The following ZCWPW2 variants were observed in gnomAD, a reference collection of about 807,000 sequenced individuals.
ZCWPW2 encodes the protein zinc finger CW-type and PWWP domain containing 2.
Under a neutral mutation model 46.6 loss-of-function variants are expected in ZCWPW2, and 45 were observed. The observed-to-expected ratio is 0.96, with a 90% CI of 0.76 to 1.24. The LOEUF (loss-of-function observed/expected upper bound fraction) is 1.24. Ranked by LOEUF, ZCWPW2 falls within the 50% of genes most tolerant of loss-of-function variation. The pLI, the probability that ZCWPW2 is intolerant of heterozygous loss-of-function variation, is 0.00. For synonymous variants in ZCWPW2, 152 were observed against 137.1 expected, an observed-to-expected ratio of 1.11 and a Z score of -0.76; for missense variants, 429 against 403.9, an observed-to-expected ratio of 1.06 and a Z score of -0.53.
intron 5 of ZCWPW2, among the ~76,000 whole-genome samples, chr3:28,487,228 C>T (rs1575195368): frequency 1.3e-5 from 2 of 151,928 alleles, no homozygotes; most frequent in South Asian, 4.2e-4. Context: ...TCTGGTATGC[C>T]TATTACATGT....
intron 4 of ZCWPW2, among the ~76,000 whole-genome samples, chr3:28,454,157 T>C (rs1224136521): frequency 1.3e-5 from 2 of 152,174 alleles, no homozygotes; most frequent in African/African-American, 2.4e-5. Flanking sequence ...TGTGTATATT[T>C]ATAATTGTAT....
chr3:28,349,865 A>G (rs1465026859), intron 1 of ZCWPW2, among the ~76,000 whole-genome samples: 2 of 152,142 alleles, frequency 1.3e-5, no homozygotes, highest in African/African-American at 2.4e-5. Context: ...TGTCAGCCCA[A>G]TAGGATGGAT....
intron 1 of ZCWPW2, among the ~76,000 whole-genome samples, chr3:28,375,812 C>T (rs2125705739): frequency 6.6e-6 from 1 of 151,680 alleles, no homozygotes; most frequent in South Asian, 2.1e-4. Flanking sequence ...TAACTTCTGG[C>T]AACCATTCTT....
In ZCWPW2 at chr3:28,515,574, C is replaced by A. The variant is rs534193603; in HGVS notation, c.737C>A (p.Ser246Tyr). 2 of 1,608,812 alleles carry A rather than the reference C, an allele frequency of 1.2e-6. No individual in the cohort carries two copies. The highest frequency in any genetic ancestry group is 1.7e-6 in the Non-Finnish European group (2 of 1,178,616). The part of the protein sequence containing the change: ...KRKRKAILKC[S>Y]FENVYSDDAL... ...TCTAGGAAAGCAATTTTAAAATGCT[C>A]TTTTGAAAATGTTTATTCTGATGAT... is the stretch of plus-strand genomic sequence containing the variant. Residue 246 changes from serine to tyrosine, a missense_variant, in exon 8 of 10, where the codon TCT (serine) becomes TAT (tyrosine). Transcript: ENST00000383768.
intron 6 of ZCWPW2, among the ~76,000 whole-genome samples, chr3:28,513,409 A>T (rs1700480026): frequency 6.6e-6 from 1 of 152,034 alleles, no homozygotes; most frequent in Admixed American, 6.6e-5. Context: ...TTTTAGGATT[A>T]TTGCTTTTTG....
At chr3:28,430,821 T>C (rs563074984) in intron 3 of ZCWPW2, among the ~76,000 whole-genome samples, 134 of 152,244 alleles carry the variant, frequency 8.8e-4, no homozygotes, top group Middle Eastern at 6.8e-3. Flanking sequence ...CACTTCTCTC[T>C]CCTGCTGCCA....
intron 1 of ZCWPW2, among the ~76,000 whole-genome samples, chr3:28,357,014 GA>G (rs1161663544): frequency 2.0e-5 from 3 of 151,636 alleles, no homozygotes; most frequent in African/African-American, 7.3e-5. Flanking sequence ...TGAAAAAAAA[GA>G]AAAAAATAAA....
At chr3:28,474,614 TGTGTGTGCGCGCGCGCGC>T in intron 4 of ZCWPW2, among the ~76,000 whole-genome samples, 1 of 149,438 alleles carries the variant, frequency 6.7e-6, no homozygotes, top group East Asian at 2.0e-4. Context: ...TGTGTGTGTG[TGTGTGTGCGCGCGCGCGC>T]GCGCGCACAT....
intron 4 of ZCWPW2, 32 bp from the exon 5 acceptor site, chr3:28,478,782 T>G (rs1484307892): frequency 1.6e-6 from 2 of 1,218,654 alleles, no homozygotes; most frequent in Admixed American, 2.9e-5. Flanking sequence ...TATTTAAAAA[T>G]GAATTTTTTT....
chr3:28,414,198 C>T (rs1222677924), intron 3 of ZCWPW2, among the ~76,000 whole-genome samples: 1 of 151,374 alleles, frequency 6.6e-6, no homozygotes, highest in East Asian at 1.9e-4. Context: ...TTTCTCTTTT[C>T]AATTTTTATA....
intron 8 of ZCWPW2, among the ~76,000 whole-genome samples, chr3:28,516,134 G>A: frequency 6.6e-6 from 1 of 151,872 alleles, no homozygotes; most frequent in East Asian, 1.9e-4. Context: ...CAGCTACTCT[G>A]GAGGCTGAGG....
At chr3:28,369,562 C>T (rs1342251820) in intron 1 of ZCWPW2, among the ~76,000 whole-genome samples, 2 of 152,172 alleles carry the variant, frequency 1.3e-5, no homozygotes, top group Non-Finnish European at 2.9e-5. Context: ...TGTCAGTCTG[C>T]CCCTACTGGG....
Position 28,476,693 on chromosome 3 carries a change from T to C in ZCWPW2, c.493-2121T>C, listed in dbSNP as rs141585317. Among the ~76,000 whole-genome samples, 247 of 152,246 alleles carry C rather than the reference T, an allele frequency of 1.6e-3. 3 individuals are homozygous for C. Among genetic ancestry groups the C allele is most frequent in the African/African-American group, 5.6e-3 (232 of 41,536 alleles). ...GCACTTTATTTCTATTATTATTACATTGTAATATATAATGAAATAGTTATA... is the reference window on the plus strand; with the variant it reads ...GCACTTTATTTCTATTATTATTACACTGTAATATATAATGAAATAGTTATA... On this transcript the variant is annotated intron_variant, in intron 4 of 9. Coordinates refer to ENST00000383768, the MANE Select transcript of ZCWPW2 (RefSeq NM_001040432.4).
chr3:28,352,156 ACACACACACAC>A (rs1416829845), intron 1 of ZCWPW2, among the ~76,000 whole-genome samples: 3 of 146,910 alleles, frequency 2.0e-5, no homozygotes, highest in African/African-American at 7.6e-5. Context: ...ACACACACAC[ACACACACACAC>A]GAGAGAGAAT....
intron 4 of ZCWPW2, among the ~76,000 whole-genome samples, chr3:28,451,555 T>G (rs1318965940): frequency 6.6e-6 from 1 of 152,246 alleles, no homozygotes; most frequent in Admixed American, 6.5e-5. Context: ...CTTTACTTGC[T>G]GCTCAATGCT....
chr3:28,360,860 C>G (rs1398569981), intron 1 of ZCWPW2, among the ~76,000 whole-genome samples: 1 of 152,014 alleles, frequency 6.6e-6, no homozygotes, highest in Non-Finnish European at 1.5e-5. Context: ...TACTACCAAG[C>G]TACGTTAATC....
At chr3:28,473,580 C>CT (rs1699119313) in intron 4 of ZCWPW2, among the ~76,000 whole-genome samples, 2 of 152,172 alleles carry the variant, frequency 1.3e-5, no homozygotes, top group Admixed American at 6.5e-5. Context: ...AATCTACACT[C>CT]TAATGTTTAT....
chr3:28,519,511 C>T (rs577623434), intron 8 of ZCWPW2, among the ~76,000 whole-genome samples: 1 of 152,276 alleles, frequency 6.6e-6, no homozygotes, highest in Non-Finnish European at 1.5e-5. Context: ...CCTATCATAA[C>T]CTGCTATGAT....
intron 4 of ZCWPW2, among the ~76,000 whole-genome samples, chr3:28,443,017 G>C (rs1697832139): frequency 6.6e-6 from 1 of 152,168 alleles, no homozygotes; most frequent in African/African-American, 2.4e-5. Context: ...TCTGCCTGCT[G>C]CTAAATATGT....
Sources: allele counts gnomAD v4.1 joint callset (sites outside exome capture counted in the v4.1 genomes callset), GRCh38; gene constraint gnomAD v4.1.1; transcripts MANE v1.5; gene names NCBI Gene and HGNC (gene_info 2026-07-23, HGNC 2026-07-21).